WDR33: variants seen among roughly 807,000 people sequenced by gnomAD.
WDR33 encodes the protein pre-mRNA 3' end processing protein WDR33.
A neutral mutation model predicts 164.9 loss-of-function variants in WDR33; 47 were observed. The observed-to-expected ratio is 0.29, with a 90% CI of 0.23 to 0.36. The LOEUF (loss-of-function observed/expected upper bound fraction) is 0.36, where lower values mean the gene tolerates loss of function less well. Among genes scored for constraint, WDR33 ranks in the 10% least tolerant of loss-of-function variants. WDR33 has a pLI of 1.00. For missense variants in WDR33, 1,137 were observed against 1,754.1 expected (o/e 0.65, Z 6.28); for synonymous variants, 505 against 589.0 (o/e 0.86, Z 2.06).
intron 1 of WDR33, among the ~76,000 whole-genome samples, chr2:127,776,166 A>C (rs550104195): frequency 1.6e-4 from 25 of 152,280 alleles, no homozygotes; most frequent in African/African-American, 6.0e-4. Flanking sequence ...TTTTAAATGA[A>C]GATTAGGACA....
chr2:127,769,915 T>A (rs772383657), intron 2 of WDR33, among the ~76,000 whole-genome samples: 2 of 152,228 alleles, frequency 1.3e-5, no homozygotes, highest in African/African-American at 4.8e-5. Context: ...AACGGGAAAC[T>A]GCAGGTAGAC....
chr2:127,751,932 TAAGTCCCCAAAGTC>T (rs1389514950), intron 7 of WDR33, among the ~76,000 whole-genome samples: 3 of 152,284 alleles, frequency 2.0e-5, no homozygotes, highest in East Asian at 1.9e-4. Flanking sequence ...GAGGACGCAG[TAAGTCCCCAAAGTC>T]AAGTCCCCAA....
At position 127,768,205 on chromosome 2, in the gene WDR33, G is replaced by T; in HGVS notation, c.362C>A (p.Pro121His). The T allele has an allele frequency of 6.4e-7, 1 of 1,572,464 alleles. No individual in the cohort carries two copies. The highest frequency in any genetic ancestry group is 8.7e-7 in the Non-Finnish European group (1 of 1,156,038). Reference sequence around the variant, plus strand: ...ATTACTTACCCTAACAACAAATACAGGACACTTTACTTTATTTGTTGATGT... The same window carrying T: ...ATTACTTACCCTAACAACAAATACATGACACTTTACTTTATTTGTTGATGT... ...VRTSTNKVKC[P>H]VFVVRWTPEG... The change falls in exon 4 of 22, where the codon CCT becomes CAT. Residue 121 changes from proline (P) to histidine (H), a missense_variant. Around this residue, in one of 9 missense-constraint regions of WDR33, gnomAD observed 55 missense variants for 84.6 expected, o/e 0.65. Transcript: ENST00000322313.
intron 1 of WDR33, among the ~76,000 whole-genome samples, chr2:127,788,452 G>C (rs1250448878): frequency 4.7e-5 from 6 of 126,816 alleles, no homozygotes; most frequent in East Asian, 2.5e-4. Flanking sequence ...TCCCGGACGG[G>C]GCGGCTGGCC....
At chr2:127,768,535 C>A (rs372447110) in intron 3 of WDR33, among the ~76,000 whole-genome samples, 1 of 152,084 alleles carries the variant, frequency 6.6e-6, no homozygotes, top group Non-Finnish European at 1.5e-5. Context: ...CCAGTACTAA[C>A]CCAGTACAAG....
Position 127,714,961 on chromosome 2 carries a change from T to C in WDR33, c.2870-940A>G, listed in dbSNP as rs1573880916. The stretch of plus-strand genomic sequence containing the variant: ...TGTTTTTAAAGTGAAATTCCTCCAA[T>C]AGCCCAGTTCATGCCTTTTACTGCT... On this transcript the variant is annotated intron_variant, in intron 17 of 21. Transcript: ENST00000322313. This position sits in a 1 kb window ranked among gnomAD's most constrained non-coding sequence, Gnocchi z 4.3. 6.6e-6 allele frequency among the ~76,000 whole-genome samples: 1 copy of C among 152,260 alleles called. No individual in the cohort carries two copies. Among genetic ancestry groups the C allele is most frequent in the Admixed American group, 6.5e-5 (1 of 15,292 alleles).
intron 1 of WDR33, among the ~76,000 whole-genome samples, chr2:127,792,557 A>G (rs1308210566): frequency 1.3e-5 from 2 of 151,558 alleles, no homozygotes; most frequent in African/African-American, 2.4e-5. Context: ...AATCCCAGCT[A>G]CTCGGGAGGC....
At chr2:127,786,502 G>A (rs1377555348) in intron 1 of WDR33, among the ~76,000 whole-genome samples, 6 of 152,152 alleles carry the variant, frequency 3.9e-5, no homozygotes, top group African/African-American at 9.7e-5. Context: ...AGTCAACATG[G>A]CAAAACTTTG....
At chr2:127,762,704 G>A in intron 7 of WDR33, 2 of 1,027,748 alleles carry the variant, frequency 1.9e-6, no homozygotes, top group South Asian at 3.7e-5. Flanking sequence ...AGGACTGCCA[G>A]GAGAATGACG....
intron 7 of WDR33, among the ~76,000 whole-genome samples, chr2:127,746,884 A>G (rs780006817): frequency 2.0e-5 from 3 of 152,238 alleles, no homozygotes; most frequent in Non-Finnish European, 4.4e-5. Context: ...TATAGAAAAA[A>G]TACTTATTAC....
rs1268459540 is a variant in WDR33, at chr2:127,763,788, A to G, written c.627-629T>C. On this transcript the variant is annotated intron_variant, in intron 6 of 21. Coordinates refer to ENST00000322313, the MANE Select transcript of WDR33 (RefSeq NM_018383.5). The surrounding 1 kb of genome is among the most constrained non-coding windows in gnomAD (Gnocchi z 4.5). ...GTAAAGCCAAAGAATCTGCTGCAAGAAGGAGTCAGTTTTTCCCAGCAGTGA... is the reference window on the plus strand; with the variant it reads ...GTAAAGCCAAAGAATCTGCTGCAAGGAGGAGTCAGTTTTTCCCAGCAGTGA... 6.1e-6 allele frequency: 6 copies of G among 985,456 alleles called. No individual in the cohort carries two copies. The highest frequency in any genetic ancestry group is 5.2e-5 in the African/African-American group (3 of 57,242). 61.0% of individuals were successfully genotyped at this position (985,456 alleles called of 1,614,324 possible). A position where few individuals can be genotyped will look rare whatever the true frequency, so the allele number is the denominator to read the frequency against.
At position 127,716,365 on chromosome 2, in the gene WDR33, C is replaced by G. The variant is rs1210151154; in HGVS notation, c.2869+790G>C. ...AGAGTAAAGTTCTGTGAAGGGCAAT[C>G]TCTGCGGTCCTCCTGATTCTCCGAG... On this transcript the variant is annotated intron_variant, in intron 17 of 21. Coordinates refer to ENST00000322313, the MANE Select transcript of WDR33 (RefSeq NM_018383.5). The surrounding 1 kb of genome is among the most constrained non-coding windows in gnomAD (Gnocchi z 4.5). 6.6e-6 allele frequency among the ~76,000 whole-genome samples: 1 copy of G among 152,188 alleles called. No individual in the cohort carries two copies. Among genetic ancestry groups the G allele is most frequent in the Non-Finnish European group, 1.5e-5 (1 of 68,032 alleles).
chr2:127,732,859 C>T (rs1686744959), intron 7 of WDR33, among the ~76,000 whole-genome samples: 1 of 152,162 alleles, frequency 6.6e-6, no homozygotes, highest in South Asian at 2.1e-4. Context: ...GTACCAAACA[C>T]ATGGTTTATT....
Position 127,763,903 on chromosome 2 carries a change from C to T in WDR33, c.627-744G>A, listed in dbSNP as rs1687750546. 1.0e-6 allele frequency: 1 copy of T among 985,728 alleles called. No homozygotes were observed. Among genetic ancestry groups the T allele is most frequent in the Non-Finnish European group, 1.2e-6 (1 of 830,176 alleles). The allele number at this position is 985,728 out of a possible 1,614,324, so 61.1% of individuals were successfully genotyped here. The stretch of plus-strand genomic sequence containing the variant: ...CAGCTGTGTAAACTCAATGTATGGG[C>T]ATGACACTAAGGCAAAATCTACAAA... On this transcript the variant is annotated intron_variant, in intron 6 of 21. Transcript: ENST00000322313. The surrounding 1 kb of genome is among the most constrained non-coding windows in gnomAD (Gnocchi z 4.5).
intron 1 of WDR33, among the ~76,000 whole-genome samples, chr2:127,810,512 C>CA (rs1689613812): frequency 6.6e-6 from 1 of 152,234 alleles, no homozygotes; most frequent in African/African-American, 2.4e-5. Flanking sequence ...ACAACTATTC[C>CA]AAAAAAGCAG....
intron 1 of WDR33, among the ~76,000 whole-genome samples, chr2:127,808,953 C>T (rs1040204860): frequency 6.6e-6 from 1 of 151,290 alleles, no homozygotes; most frequent in Non-Finnish European, 1.5e-5. Flanking sequence ...TGGCGTGAAC[C>T]CGGGAGGCGG....
chr2:127,704,197 T>C lies in WDR33; in HGVS notation c.*2126A>G, dbSNP rs1408492550. 2 of 166,512 alleles carry C rather than the reference T, an allele frequency of 1.2e-5. No individual in the cohort carries two copies. The highest frequency in any genetic ancestry group is 2.9e-5 in the Non-Finnish European group (2 of 68,060). 10.3% of individuals were successfully genotyped at this position (166,512 alleles called of 1,614,324 possible). ...TTCAAATCACAACATCTAGTATGTA[T>C]GCTGACAGTGATGTTTTTAAATGCC... On this transcript the variant is annotated 3_prime_UTR_variant, in exon 22 of 22. Transcript: ENST00000322313.
chr2:127,707,923 C>T (rs1052294956), intron 21 of WDR33, among the ~76,000 whole-genome samples: 4 of 152,170 alleles, frequency 2.6e-5, no homozygotes, highest in African/African-American at 9.7e-5. Flanking sequence ...CACACCACTG[C>T]ACTCCAGCCT....
At chr2:127,736,136 C>A (rs753119474) in intron 7 of WDR33, 5 of 985,290 alleles carry the variant, frequency 5.1e-6, no homozygotes, top group Non-Finnish European at 6.0e-6. Context: ...TATTACAAAT[C>A]TGTGGGAGAA....
Sources: allele counts gnomAD v4.1 joint callset (sites outside exome capture counted in the v4.1 genomes callset), GRCh38; gene constraint gnomAD v4.1.1; regional missense constraint gnomAD v4.1.1; non-coding constraint Gnocchi (gnomAD v3.1); transcripts MANE v1.5; gene names NCBI Gene and HGNC (gene_info 2026-07-23, HGNC 2026-07-21).